Variants in TTC6 observed in about 807,000 individuals in gnomAD.
The protein encoded by TTC6 is tetratricopeptide repeat domain 6, also known as tetratricopeptide repeat protein 6.
In TTC6, 172 loss-of-function variants were observed where a neutral mutation model predicts 210.4. The ratio of observed to expected loss-of-function variants is 0.82; its 90% CI spans 0.72 to 0.93. The LOEUF is 0.93. Among genes scored for constraint, TTC6 ranks in the 40% least tolerant of loss-of-function variants. TTC6 has a pLI of 0.00. For missense variants in TTC6, 2,414 were observed against 2,318.1 expected, an observed-to-expected ratio of 1.04 and a Z score of -0.85; for synonymous variants, 804 against 819.6, an observed-to-expected ratio of 0.98 and a Z score of 0.32.
At chr14:37,750,471 C>T (rs1184933795) in intron 12 of TTC6, among the ~76,000 whole-genome samples, 1 of 152,170 alleles carries the variant, frequency 6.6e-6, no homozygotes, top group African/African-American at 2.4e-5. Context: ...TACGAAAAAA[C>T]ATTTTAGACA....
chr14:37,779,064 TG>T (rs895801978), intron 14 of TTC6, among the ~76,000 whole-genome samples: 8 of 152,268 alleles, frequency 5.3e-5, no homozygotes, highest in Non-Finnish European at 8.8e-5. Context: ...TAAGTGTCCA[TG>T]GGGGTCATGA....
chr14:37,738,640 A>T, intron 9 of TTC6, 136 bp from the exon 12 acceptor site: 2 of 756,648 alleles, frequency 2.6e-6, no homozygotes, highest in Non-Finnish European at 3.9e-6. Flanking sequence ...AATAATTTTA[A>T]GAATACTGAT....
At chr14:37,829,992 C>T (rs911510619) in intron 29 of TTC6, among the ~76,000 whole-genome samples, 1 of 152,070 alleles carries the variant, frequency 6.6e-6, no homozygotes, top group African/African-American at 2.4e-5. Context: ...TCCCCTTCCC[C>T]ACAATAATTT....
intron 8 of TTC6, among the ~76,000 whole-genome samples, chr14:37,736,691 C>A (rs1201054871): frequency 6.6e-6 from 1 of 152,090 alleles, no homozygotes; most frequent in Non-Finnish European, 1.5e-5. Flanking sequence ...ACAGTGTATC[C>A]AATGACCTGA....
Position 37,825,385 on chromosome 14 carries a change from A to G in TTC6, c.4975-810A>G, listed in dbSNP as rs530281612. 2.2e-4 allele frequency among the ~76,000 whole-genome samples: 33 copies of G among 152,190 alleles called. 1 individual carries two copies. In the East Asian group the frequency reaches 6.2e-3, roughly 29 times the overall value. On this transcript the variant is annotated intron_variant, in intron 27 of 30. Transcript: ENST00000553443. ...AGGGTCTTGTTCCCTTAACAGTTGT[A>G]TTTCTTTTTACTTTTATATGAGAGT...
intron 5 of TTC6, among the ~76,000 whole-genome samples, chr14:37,712,831 G>C (rs1053166436): frequency 2.0e-5 from 3 of 152,086 alleles, no homozygotes; most frequent in African/African-American, 7.2e-5. Context: ...ATGAGATTTG[G>C]GTGGGGACAC....
intron 20 of TTC6, 134 bp from the exon 23 acceptor site, chr14:37,804,546 G>T: frequency 4.2e-6 from 5 of 1,191,780 alleles, no homozygotes; most frequent in Non-Finnish European, 5.9e-6. Context: ...AACTTCACCA[G>T]GTCTGTTTGT....
chr14:37,827,558 TCTC>T (rs1435721319), intron 29 of TTC6, among the ~76,000 whole-genome samples, 192 bp downstream of exon 31: 3 of 152,102 alleles, frequency 2.0e-5, no homozygotes, highest in East Asian at 1.9e-4. Context: ...ATGGATTTAT[TCTC>T]CTCATTAACA....
At chr14:37,720,279 T>C (rs2095859241) in intron 6 of TTC6, 1 of 152,036 alleles carries the variant, frequency 6.6e-6, no homozygotes, top group African/African-American at 2.4e-5. Flanking sequence ...AGTTTGGTAA[T>C]TAGAAAAAAA....
At chr14:37,724,904 G>C (rs1224439427) in exon 7 of TTC6, 9 of 1,518,234 alleles carry the variant, frequency 5.9e-6, no homozygotes, top group Non-Finnish European at 7.1e-6. Context: ...AAAGATGTAT[G>C]CTTATCCAGA....
At chr14:37,651,095 C>T (rs984630057) in intron 1 of TTC6, among the ~76,000 whole-genome samples, 3 of 152,040 alleles carry the variant, frequency 2.0e-5, no homozygotes, top group African/African-American at 7.2e-5. Flanking sequence ...GACTTCATTT[C>T]ATTACTTTTT....
intron 14 of TTC6, among the ~76,000 whole-genome samples, chr14:37,754,239 GCCCCTGA>G (rs1185669568): frequency 6.6e-6 from 1 of 151,732 alleles, no homozygotes. Flanking sequence ...CCCTCCCCTT[GCCCCTGA>G]CCCCTGACAG....
intron 29 of TTC6, among the ~76,000 whole-genome samples, chr14:37,830,979 T>A (rs2096183508): frequency 1.3e-5 from 2 of 152,116 alleles, no homozygotes; most frequent in East Asian, 3.8e-4. Flanking sequence ...TACAATAAGT[T>A]ATAACTATAG....
chr14:37,737,498 C>G (rs1177682905), intron 8 of TTC6, among the ~76,000 whole-genome samples, 162 bp from the exon 11 acceptor site: 1 of 151,924 alleles, frequency 6.6e-6, no homozygotes, highest in Non-Finnish European at 1.5e-5. Context: ...AGTTCTCTTC[C>G]TCTATATAAA....
At chr14:37,831,361 A>G (rs2096184649) in intron 29 of TTC6, among the ~76,000 whole-genome samples, 1 of 152,102 alleles carries the variant, frequency 6.6e-6, no homozygotes, top group Non-Finnish European at 1.5e-5. Flanking sequence ...TATCTTGGCT[A>G]TTGTGAATAG....
At chr14:37,617,524 G>A (rs1040579786), upstream of TTC6, among the ~76,000 whole-genome samples, 2 of 152,058 alleles carry the variant, frequency 1.3e-5, no homozygotes, top group South Asian at 4.2e-4. Flanking sequence ...ATATTAACAG[G>A]ATTAAAGGCA....
intron 10 of TTC6, among the ~76,000 whole-genome samples, chr14:37,743,378 T>C (rs929384343): frequency 3.9e-5 from 6 of 152,210 alleles, no homozygotes; most frequent in Non-Finnish European, 8.8e-5. Flanking sequence ...TACATCCTTC[T>C]AGAAAGTTAC....
intron 1 of TTC6, among the ~76,000 whole-genome samples, chr14:37,666,686 T>C (rs1272023697): frequency 6.7e-6 from 1 of 150,168 alleles, no homozygotes; most frequent in Non-Finnish European, 1.5e-5. Flanking sequence ...GCTCAATCTG[T>C]GAAATTTACC....
intron 14 of TTC6, among the ~76,000 whole-genome samples, chr14:37,761,289 C>A (rs1029775047): frequency 6.6e-6 from 1 of 151,942 alleles, no homozygotes; most frequent in East Asian, 2.0e-4. Context: ...GGTGAGGCAA[C>A]ACCCCACCCT....
Sources: gnomAD v4.1 joint callset for allele counts (sites outside exome capture counted in the v4.1 genomes callset) on GRCh38, gnomAD v4.1.1 for gene constraint, MANE v1.5 for transcripts, NCBI Gene and HGNC (gene_info 2026-07-23, HGNC 2026-07-21) for gene names.